The following PRRG1 variants were observed in gnomAD, a reference collection of about 807,000 sequenced individuals.
The protein encoded by PRRG1 is proline rich and Gla domain 1.
Under a neutral mutation model 11.8 loss-of-function variants are expected in PRRG1, and 5 were observed. That is an observed-to-expected ratio of 0.42 (90% CI 0.22 to 0.89). The LOEUF (loss-of-function observed/expected upper bound fraction) is 0.89, where lower values mean the gene tolerates loss of function less well. Among genes scored for constraint, PRRG1 ranks in the 40% least tolerant of loss-of-function variants. PRRG1 has a pLI of 0.28. For synonymous variants in PRRG1, 66 were observed against 60.4 expected (o/e 1.09, Z -0.43); for missense variants, 155 against 166.1 (o/e 0.93, Z 0.37).
At chrX:37,361,040 A>G (rs1316153841) in intron 1 of PRRG1, among the ~76,000 whole-genome samples, 4 of 112,561 alleles carry the variant, frequency 3.6e-5, no homozygotes, top group Non-Finnish European at 7.5e-5. Context: ...TGGGGTAATC[A>G]TAGCTCTTAA....
At chrX:37,376,551 G>GTATATA (rs542194109) in intron 1 of PRRG1, among the ~76,000 whole-genome samples, 763 of 26,914 alleles carry the variant, frequency 0.028, 137 homozygotes, top group Non-Finnish European at 0.055. Flanking sequence ...AAATGTGAGT[G>GTATATA]TATATATATA....
At chrX:37,442,354 A>C in intron 3 of PRRG1, 4 of 418,335 alleles carry the variant, frequency 9.6e-6, no homozygotes, top group Non-Finnish European at 1.2e-5. Context: ...CATGCAGCTC[A>C]GGATCTGTGG....
intron 1 of PRRG1, among the ~76,000 whole-genome samples, chrX:37,354,298 A>T (rs782048431): frequency 8.9e-6 from 1 of 112,030 alleles, no homozygotes; most frequent in Admixed American, 9.4e-5. Flanking sequence ...GTGGAGAGGA[A>T]GGGAGAGGAG....
At chrX:37,390,853 T>A (rs1931499881) in intron 1 of PRRG1, among the ~76,000 whole-genome samples, 2 of 112,230 alleles carry the variant, frequency 1.8e-5, no homozygotes, top group South Asian at 7.4e-4. Flanking sequence ...GGATGGCAAC[T>A]GGCTAAAGCC....
At chrX:37,433,117 T>TGCCC (rs1462498591) in intron 3 of PRRG1, among the ~76,000 whole-genome samples, 1 of 111,696 alleles carries the variant, frequency 9.0e-6, no homozygotes, top group Non-Finnish European at 1.9e-5. Context: ...TTTTGGCCCC[T>TGCCC]GCCCCATAGT....
At chrX:37,420,878 G>GTAAA (rs1227555970) in intron 2 of PRRG1, among the ~76,000 whole-genome samples, 50 of 108,913 alleles carry the variant, frequency 4.6e-4, no homozygotes, top group South Asian at 2.8e-3. Context: ...GAATAAATAA[G>GTAAA]TAAATAAATA....
rs1302005129 is a variant in PRRG1 at position 37,454,306 on chromosome X, C to G, written c.*685C>G. 4.5e-5 allele frequency: 5 copies of G among 111,322 alleles called. No individual in the cohort carries two copies. Among genetic ancestry groups the G allele is most frequent in the Non-Finnish European group, 7.5e-5 (4 of 53,050 alleles). 9.2% of individuals were successfully genotyped at this position (111,322 alleles called of 1,213,427 possible). Reference sequence around the variant, plus strand: ...GGGATTTTTTTTTTGGTTGACCACTCCCCCACACTTCCAAAATTAAACAGT... The same window carrying G: ...GGGATTTTTTTTTTGGTTGACCACTGCCCCACACTTCCAAAATTAAACAGT... On this transcript the variant is annotated 3_prime_UTR_variant, in exon 4 of 4. Transcript: ENST00000378628.
chrX:37,355,423 A>G (rs782181011), intron 1 of PRRG1, among the ~76,000 whole-genome samples: 5 of 112,115 alleles, frequency 4.5e-5, no homozygotes, highest in South Asian at 7.5e-4. Context: ...AGAACTGAAA[A>G]TAGTTTTATT....
intron 1 of PRRG1, among the ~76,000 whole-genome samples, chrX:37,391,036 G>A (rs1433537425): frequency 8.9e-6 from 1 of 111,781 alleles, no homozygotes; most frequent in Non-Finnish European, 1.9e-5. Context: ...TCAAGAAATG[G>A]TCGTCACTAA....
chrX:37,428,695 G>C (rs1932797632), intron 3 of PRRG1, among the ~76,000 whole-genome samples: 1 of 111,784 alleles, frequency 8.9e-6, no homozygotes, highest in Non-Finnish European at 1.9e-5. Context: ...TACCATTCTG[G>C]GATCTGGAGG....
At position 37,376,549 on chromosome X, in the gene PRRG1, GTGTATA is replaced by G. The variant is rs1415658214; in HGVS notation, c.-42+27156_-42+27161del. ...GTTCAGTGTTTAGTCAGAAATGTGA[GTGTATA>G]TATATATATATATATATGTGCTGAG... On this transcript the variant is annotated intron_variant, in intron 1 of 3. Transcript: ENST00000378628. Among the ~76,000 whole-genome samples, 6 of 16,034 alleles carry G rather than the reference GTGTATA, an allele frequency of 3.7e-4. 1 individual carries two copies. Among genetic ancestry groups the G allele is most frequent in the South Asian group, 3.4e-3 (1 of 290 alleles). The allele number at this position is 16,034 out of a possible 115,157, so 13.9% of individuals were successfully genotyped here. A position where few individuals can be genotyped will look rare whatever the true frequency, so the allele number is the denominator to read the frequency against.
intron 3 of PRRG1, among the ~76,000 whole-genome samples, chrX:37,429,779 CT>C (rs1468803927): frequency 8.9e-6 from 1 of 111,861 alleles, no homozygotes; most frequent in East Asian, 2.8e-4. Flanking sequence ...CGTTTTTACA[CT>C]GCTGACATAC....
intron 2 of PRRG1, among the ~76,000 whole-genome samples, chrX:37,417,433 G>A (rs782639847): frequency 1.1e-3 from 117 of 111,030 alleles, no homozygotes; most frequent in African/African-American, 3.7e-3. Flanking sequence ...GGGCACATGA[G>A]TACCACCATA....
At chrX:37,398,850 C>T (rs1439097470) in intron 1 of PRRG1, among the ~76,000 whole-genome samples, 4 of 110,736 alleles carry the variant, frequency 3.6e-5, no homozygotes, top group Non-Finnish European at 7.6e-5. Context: ...GCCTCAGGAG[C>T]CGATGCGATC....
chrX:37,451,773 G>A (rs1921149645), intron 3 of PRRG1, among the ~76,000 whole-genome samples: 1 of 111,813 alleles, frequency 8.9e-6, no homozygotes, highest in African/African-American at 3.2e-5. Context: ...TGACCACAGG[G>A]TTCTTTAAAA....
In PRRG1 at chrX:37,455,085, C is replaced by CAGT. The variant is rs1921299461; in HGVS notation, c.*1466_*1467insTAG. 9.0e-6 allele frequency: 1 copy of CAGT among 111,453 alleles called. No homozygotes were observed. Among genetic ancestry groups the CAGT allele is most frequent in the Non-Finnish European group, 1.9e-5 (1 of 53,088 alleles). 9.2% of individuals were successfully genotyped at this position (111,453 alleles called of 1,213,427 possible). On this transcript the variant is annotated 3_prime_UTR_variant, in exon 4 of 4. Transcript: ENST00000378628. The stretch of plus-strand genomic sequence containing the variant: ...CCTGCTGCTTCCAGCTCCATCCCTA[C>CAGT]AGACTCCTCCCCGAGTCCTGCCCTG...
chrX:37,445,854 G>A (rs911668074), intron 3 of PRRG1, among the ~76,000 whole-genome samples: 8 of 112,603 alleles, frequency 7.1e-5, no homozygotes, highest in South Asian at 3.6e-4. Flanking sequence ...ATGCATGGCC[G>A]TTGATTTACG....
At chrX:37,430,050 C>G (rs1556389664) in intron 3 of PRRG1, among the ~76,000 whole-genome samples, 1 of 112,113 alleles carries the variant, frequency 8.9e-6, no homozygotes, top group Non-Finnish European at 1.9e-5. Context: ...CGTGGGAATT[C>G]TGGGATATAC....
intron 2 of PRRG1, among the ~76,000 whole-genome samples, chrX:37,423,687 A>C (rs1335001987): frequency 9.1e-6 from 1 of 109,829 alleles, no homozygotes; most frequent in Non-Finnish European, 1.9e-5. Flanking sequence ...TTTTTTAAGA[A>C]ATATATTTTT....
Sources: allele counts gnomAD v4.1 joint callset (sites outside exome capture counted in the v4.1 genomes callset), GRCh38; gene constraint gnomAD v4.1.1; transcripts MANE v1.5; gene names NCBI Gene and HGNC (gene_info 2026-07-23, HGNC 2026-07-21).